The following CNOT2 variants were observed in gnomAD, a reference collection of about 807,000 sequenced individuals.
CNOT2 encodes the protein CC chemokine receptor 4-negative regulator of transcription 2.
A neutral mutation model predicts 72.1 loss-of-function variants in CNOT2; 7 were observed. That is an observed-to-expected ratio of 0.10 (90% CI 0.06 to 0.18). The LOEUF (loss-of-function observed/expected upper bound fraction) is 0.18, where lower values mean the gene tolerates loss of function less well. Among genes scored for constraint, CNOT2 ranks in the 10% least tolerant of loss-of-function variants. CNOT2 has a pLI of 1.00. For missense variants in CNOT2, 345 were observed against 660.3 expected, an observed-to-expected ratio of 0.52 and a Z score of 5.23; for synonymous variants, 196 against 225.6, an observed-to-expected ratio of 0.87 and a Z score of 1.17.
At chr12:70,273,457 T>C (rs1478049050) in intron 1 of CNOT2, among the ~76,000 whole-genome samples, 2 of 152,248 alleles carry the variant, frequency 1.3e-5, no homozygotes, top group East Asian at 1.9e-4. Flanking sequence ...AACCATGAAC[T>C]AGACCATGCA....
intron 3 of CNOT2, among the ~76,000 whole-genome samples, chr12:70,312,549 A>T (rs1227748493): frequency 6.6e-6 from 1 of 152,002 alleles, no homozygotes; most frequent in African/African-American, 2.4e-5. Context: ...ATACTTACAC[A>T]CATACTCACA....
intron 11 of CNOT2, among the ~76,000 whole-genome samples, chr12:70,341,482 T>C (rs1460921404): frequency 6.6e-6 from 1 of 152,118 alleles, no homozygotes; most frequent in Non-Finnish European, 1.5e-5. Flanking sequence ...ATGCATCCAG[T>C]CTCCCCTCCC....
chr12:70,321,151 AT>A (rs1878237574), intron 4 of CNOT2, among the ~76,000 whole-genome samples: 1 of 151,892 alleles, frequency 6.6e-6, no homozygotes, highest in Non-Finnish European at 1.5e-5. Context: ...GTGAAGCAAC[AT>A]TTTGAATGTA....
At chr12:70,330,553 G>T in intron 6 of CNOT2, 84 bp downstream of exon 6, 1 of 873,762 alleles carries the variant, frequency 1.1e-6, no homozygotes. Flanking sequence ...TTGTTCTTGA[G>T]GTGTGGCTTC....
At chr12:70,291,429 G>A (rs1315483702) in intron 2 of CNOT2, among the ~76,000 whole-genome samples, 1 of 152,116 alleles carries the variant, frequency 6.6e-6, no homozygotes, top group African/African-American at 2.4e-5. Flanking sequence ...TTTTCTAAAG[G>A]CACTGTGATA....
chr12:70,296,996 AG>A (rs961497507), intron 2 of CNOT2, among the ~76,000 whole-genome samples: 2 of 152,134 alleles, frequency 1.3e-5, no homozygotes, highest in Non-Finnish European at 2.9e-5. Context: ...TTCCCTCTAA[AG>A]GGCAATTATA....
Position 70,299,491 on chromosome 12 carries a change from G to T in CNOT2, c.49-11404G>T, listed in dbSNP as rs185407962. Among the ~76,000 whole-genome samples the T allele has an allele frequency of 6.4e-3, 964 of 150,126 alleles. 11 individuals carry two copies. Among genetic ancestry groups the T allele is most frequent in the African/African-American group, 0.022 (891 of 40,782 alleles). ...ATGCGGTGTTTGGTTTTTTGTCCTT[G>T]CGATAGTTTGCTGAGAATAATGGTT... is the stretch of plus-strand genomic sequence containing the variant. On this transcript the variant is annotated intron_variant, in intron 2 of 15. Coordinates refer to ENST00000229195, the MANE Select transcript of CNOT2 (RefSeq NM_014515.7).
At chr12:70,329,095 A>G (rs1212583628) in intron 4 of CNOT2, among the ~76,000 whole-genome samples, 1 of 151,978 alleles carries the variant, frequency 6.6e-6, no homozygotes, top group East Asian at 1.9e-4. Flanking sequence ...ATACACATGT[A>G]CATATATGCA....
chr12:70,345,883 A>G lies in CNOT2; in HGVS notation c.1392-297A>G, dbSNP rs192048570. The stretch of plus-strand genomic sequence containing the variant: ...CATTGTGTCTTTATTTGGTCTGCCT[A>G]TGTTTTTATCACATTGCTTATAAAA... On this transcript the variant is annotated intron_variant, in intron 14 of 15. Transcript: ENST00000229195. The G allele has an allele frequency of 1.3e-3, 303 of 236,160 alleles. 2 individuals are homozygous for G. Among genetic ancestry groups the G allele is most frequent in the African/African-American group, 6.5e-3 (284 of 43,782 alleles). 14.6% of individuals were successfully genotyped at this position (236,160 alleles called of 1,614,324 possible).
intron 2 of CNOT2, among the ~76,000 whole-genome samples, chr12:70,288,270 A>G (rs1293306611): frequency 1.3e-5 from 2 of 149,952 alleles, no homozygotes; most frequent in Middle Eastern, 3.5e-3. Flanking sequence ...CAGCCTCCCA[A>G]GTAGCTGGGA....
At chr12:70,282,598 A>G (rs1157008410) in intron 2 of CNOT2, among the ~76,000 whole-genome samples, 2 of 152,168 alleles carry the variant, frequency 1.3e-5, no homozygotes, top group Non-Finnish European at 2.9e-5. Flanking sequence ...TAGTGACTAT[A>G]TAGTGTAGAT....
chr12:70,326,677 T>G (rs1183272896), intron 4 of CNOT2, among the ~76,000 whole-genome samples: 1 of 151,882 alleles, frequency 6.6e-6, no homozygotes, highest in East Asian at 1.9e-4. Flanking sequence ...TGCCATTCTT[T>G]ATGTTTTAAA....
intron 1 of CNOT2, among the ~76,000 whole-genome samples, chr12:70,277,423 A>G (rs1229664166): frequency 6.6e-6 from 1 of 151,938 alleles, no homozygotes; most frequent in African/African-American, 2.4e-5. Context: ...TGACTTATTT[A>G]TATCTCTGCA....
chr12:70,342,427 C>T, intron 13 of CNOT2, 120 bp downstream of exon 13: 1 of 1,137,586 alleles, frequency 8.8e-7, no homozygotes, highest in Non-Finnish European at 1.3e-6. Context: ...GATATGCTTT[C>T]ATATGTCCAT....
At chr12:70,345,283 A>G (rs1350191554) in intron 14 of CNOT2, 2 of 152,176 alleles carry the variant, frequency 1.3e-5, no homozygotes, top group Admixed American at 6.5e-5. Flanking sequence ...AAAGTATATA[A>G]TTCAGTATGT....
At chr12:70,291,798 G>C (rs574482502) in intron 2 of CNOT2, among the ~76,000 whole-genome samples, 6 of 152,080 alleles carry the variant, frequency 3.9e-5, no homozygotes, top group African/African-American at 1.4e-4. Flanking sequence ...TTAGCCAGGC[G>C]TGGTGGCGGG....
intron 2 of CNOT2, among the ~76,000 whole-genome samples, chr12:70,300,288 C>T (rs1471331253): frequency 6.6e-6 from 1 of 152,116 alleles, no homozygotes. Context: ...ACATGAAGTC[C>T]TTGCCCATGC....
At chr12:70,332,597 A>T in intron 6 of CNOT2, 170 bp from the exon 7 acceptor site, 1 of 1,022,888 alleles carries the variant, frequency 9.8e-7, no homozygotes, top group Non-Finnish European at 1.3e-6. Context: ...GAAGGACTTT[A>T]GAGAAGTTTT....
chr12:70,296,830 G>T (rs1872890984), intron 2 of CNOT2, among the ~76,000 whole-genome samples: 1 of 151,076 alleles, frequency 6.6e-6, no homozygotes, highest in South Asian at 2.1e-4. Flanking sequence ...TGCGAAGCAG[G>T]ATAAGCAGTT....
Sources: gnomAD v4.1 joint callset for allele counts (sites outside exome capture counted in the v4.1 genomes callset) on GRCh38, gnomAD v4.1.1 for gene constraint, MANE v1.5 for transcripts, NCBI Gene and HGNC (gene_info 2026-07-23, HGNC 2026-07-21) for gene names.